ZNF385D: variants seen among roughly 807,000 people sequenced by gnomAD.
The protein encoded by ZNF385D is zinc finger protein 659.
ZNF385D carries 15 observed loss-of-function variants against 35.8 expected under a neutral mutation model. The observed-to-expected ratio is 0.42, with a 90% confidence interval of 0.28 to 0.64. ZNF385D has a LOEUF of 0.64. Among genes scored for constraint, ZNF385D ranks in the 30% least tolerant of loss-of-function variants. ZNF385D has a pLI of 0.23. For missense variants in ZNF385D, 474 were observed against 494.6 expected, an observed-to-expected ratio of 0.96 and a Z score of 0.39; for synonymous variants, 212 against 186.8, an observed-to-expected ratio of 1.13 and a Z score of -1.10.
At chr3:22,304,601 T>C (rs1440047152) in intron 2 of ZNF385D, among the ~76,000 whole-genome samples, 1 of 152,166 alleles carries the variant, frequency 6.6e-6, no homozygotes, top group Non-Finnish European at 1.5e-5. Flanking sequence ...TCCCACTTTT[T>C]CCAGCACCAA....
chr3:22,000,470 C>T (rs13081905), intron 3 of ZNF385D, among the ~76,000 whole-genome samples: 15,989 of 152,026 alleles, frequency 0.11, 1,117 homozygotes, highest in South Asian at 0.22. Context: ...ATGAATAATC[C>T]GCCCCTTGTT....
rs73820189 is a variant in ZNF385D at position 21,911,763 on chromosome 3, T to C, written c.326-246735A>G. ...AAAGTGAGAGAGATATTAGGGATTT[T>C]ACTATGTACCTATAAACAGGAATTT... On this transcript the variant is annotated intron_variant, in intron 3 of 5. Transcript: ENST00000494108. 5.5e-3 allele frequency among the ~76,000 whole-genome samples: 839 copies of C among 152,102 alleles called. 5 individuals carry two copies. The highest frequency in any genetic ancestry group is 0.019 in the African/African-American group (796 of 41,556).
intron 1 of ZNF385D, among the ~76,000 whole-genome samples, chr3:21,728,644 G>T (rs1194166678): frequency 2.0e-5 from 3 of 152,124 alleles, no homozygotes; most frequent in Admixed American, 2.0e-4. Context: ...ATCAAAACAA[G>T]TTATGTATTT....
rs114605050 is a variant in ZNF385D at position 22,364,499 on chromosome 3, G to A, written c.106+7951C>T. On this transcript the variant is annotated intron_variant, in intron 2 of 5. Transcript: ENST00000494108. Reference sequence around the variant, plus strand: ...AATGGCTAACGAGCACATGAAAAGAGACTCAACATCCCTAATCATTAGGAA... The same window carrying A: ...AATGGCTAACGAGCACATGAAAAGAAACTCAACATCCCTAATCATTAGGAA... Among the ~76,000 whole-genome samples the A allele has an allele frequency of 1.0e-2, 1,519 of 152,098 alleles. 23 individuals are homozygous for A. Among genetic ancestry groups the A allele is most frequent in the African/African-American group, 0.034 (1,423 of 41,504 alleles).
chr3:22,191,584 A>C (rs1360250296), intron 2 of ZNF385D, among the ~76,000 whole-genome samples: 2 of 152,136 alleles, frequency 1.3e-5, no homozygotes, highest in African/African-American at 4.8e-5. Flanking sequence ...TAGGTGTAGA[A>C]TATGTATGAT....
At chr3:21,948,013 G>A (rs1026855733) in intron 3 of ZNF385D, among the ~76,000 whole-genome samples, 1 of 151,964 alleles carries the variant, frequency 6.6e-6, no homozygotes, top group Non-Finnish European at 1.5e-5. Context: ...TTTAAATGCT[G>A]CCATTATAAT....
At chr3:21,729,339 A>G (rs2068895780) in intron 1 of ZNF385D, among the ~76,000 whole-genome samples, 2 of 152,162 alleles carry the variant, frequency 1.3e-5, no homozygotes, top group Non-Finnish European at 2.9e-5. Context: ...GTCTTTGGCT[A>G]AAAGGCCCTC....
chr3:21,864,395 G>T lies in ZNF385D; in HGVS notation c.326-199367C>A, dbSNP rs143831943. ...GTACCAACTACATACTCTATGAATT[G>T]TGACTATTTGCCTTGCCTCTCTTGA... On this transcript the variant is annotated intron_variant, in intron 3 of 5. Transcript: ENST00000494108. Among the ~76,000 whole-genome samples the T allele has an allele frequency of 2.0e-3, 305 of 152,204 alleles. 4 individuals carry two copies. Among genetic ancestry groups the T allele is most frequent in the African/African-American group, 7.0e-3 (293 of 41,574 alleles).
intron 2 of ZNF385D, among the ~76,000 whole-genome samples, chr3:22,249,767 T>G (rs1436061081): frequency 6.6e-6 from 1 of 152,220 alleles, no homozygotes; most frequent in Non-Finnish European, 1.5e-5. Context: ...CCTCAACTTC[T>G]AACTGTTGAA....
intron 5 of ZNF385D, among the ~76,000 whole-genome samples, chr3:21,434,885 C>A (rs935431378): frequency 1.3e-5 from 2 of 152,048 alleles, no homozygotes; most frequent in African/African-American, 4.8e-5. Context: ...ACCGATTAGG[C>A]CTAAGGTTCA....
chr3:22,296,630 T>TA (rs1702596038), intron 2 of ZNF385D, among the ~76,000 whole-genome samples: 1 of 152,106 alleles, frequency 6.6e-6, no homozygotes, highest in Non-Finnish European at 1.5e-5. Context: ...CTGAGTTAGA[T>TA]ACTGAAGGAC....
intron 4 of ZNF385D, among the ~76,000 whole-genome samples, chr3:21,438,664 G>A (rs1701698364): frequency 6.6e-6 from 1 of 152,080 alleles, no homozygotes; most frequent in Admixed American, 6.6e-5. Flanking sequence ...TCCTTTGCCT[G>A]ACACTTCACA....
Position 21,812,086 on chromosome 3 carries a change from A to G in ZNF385D, c.326-147058T>C, listed in dbSNP as rs368942393. Among the ~76,000 whole-genome samples the G allele has an allele frequency of 2.6e-5, 4 of 152,344 alleles. No homozygotes were observed. The South Asian group carries it at 8.3e-4, about 32-fold the overall frequency. ...AACACAAGGAATTTAAGAGGAAGTT[A>G]AGTGCCACCAAAAAGATATAATTGG... is the stretch of plus-strand genomic sequence containing the variant. On this transcript the variant is annotated intron_variant, in intron 3 of 5. Transcript: ENST00000494108.
chr3:21,819,634 T>C (rs1312857094), intron 3 of ZNF385D, among the ~76,000 whole-genome samples: 1 of 138,264 alleles, frequency 7.2e-6, no homozygotes, highest in Non-Finnish European at 1.5e-5. Flanking sequence ...ATTATATAAT[T>C]ATATATTCTA....
intron 3 of ZNF385D, among the ~76,000 whole-genome samples, chr3:22,105,884 C>T (rs1375820110): frequency 2.0e-5 from 3 of 151,940 alleles, no homozygotes; most frequent in Non-Finnish European, 4.4e-5. Context: ...AATTAATCAC[C>T]AATTAATATA....
At chr3:21,935,404 C>G (rs1199375489) in intron 3 of ZNF385D, among the ~76,000 whole-genome samples, 2 of 151,976 alleles carry the variant, frequency 1.3e-5, no homozygotes, top group African/African-American at 4.8e-5. Flanking sequence ...AATATTATTC[C>G]CATTTTAACA....
chr3:21,502,181 A>G (rs981125432), intron 4 of ZNF385D, among the ~76,000 whole-genome samples: 1 of 152,194 alleles, frequency 6.6e-6, no homozygotes, highest in African/African-American at 2.4e-5. Flanking sequence ...GTTGTCATTA[A>G]GGCTCTTCCA....
chr3:22,153,147 C>T (rs1559411561), intron 3 of ZNF385D, among the ~76,000 whole-genome samples: 1 of 152,192 alleles, frequency 6.6e-6, no homozygotes, highest in Non-Finnish European at 1.5e-5. Flanking sequence ...CTGTACAAAT[C>T]TGTGACTGGT....
At chr3:22,144,090 T>C (rs947926108) in intron 3 of ZNF385D, among the ~76,000 whole-genome samples, 3 of 152,150 alleles carry the variant, frequency 2.0e-5, no homozygotes, top group African/African-American at 7.2e-5. Context: ...TATAAAAGAA[T>C]GTGGGAAAAA....
Sources: allele counts gnomAD v4.1 joint callset (sites outside exome capture counted in the v4.1 genomes callset), GRCh38; gene constraint gnomAD v4.1.1; transcripts MANE v1.5; gene names NCBI Gene and HGNC (gene_info 2026-07-23, HGNC 2026-07-21).